EBF1: variants seen among roughly 807,000 people sequenced by gnomAD.
The protein encoded by EBF1 is EBF transcription factor 1, also known as transcription factor COE1.
Under a neutral mutation model 68.4 loss-of-function variants are expected in EBF1, and 10 were observed. The ratio of observed to expected loss-of-function variants is 0.15; its 90% CI spans 0.09 to 0.25. EBF1 has a LOEUF of 0.25. Ranked by LOEUF, EBF1 falls within the 10% of genes least tolerant of loss-of-function variation. EBF1 has a pLI of 1.00. For missense variants in EBF1, 509 were observed against 794.4 expected (o/e 0.64, Z 4.32); for synonymous variants, 298 against 299.8 (o/e 0.99, Z 0.06).
intron 6 of EBF1, among the ~76,000 whole-genome samples, chr5:159,064,384 G>A (rs1223814428): frequency 2.0e-5 from 3 of 152,144 alleles, no homozygotes; most frequent in Non-Finnish European, 4.4e-5. Context: ...AATCAGTCTG[G>A]GAGATAGGAG....
intron 6 of EBF1, among the ~76,000 whole-genome samples, chr5:158,859,488 A>G (rs935009565): frequency 6.6e-6 from 1 of 152,192 alleles, no homozygotes; most frequent in Admixed American, 6.5e-5. Flanking sequence ...CACTTTGGGT[A>G]TCTGTGCATG....
intron 11 of EBF1, among the ~76,000 whole-genome samples, chr5:158,728,883 T>G (rs561367609): frequency 3.5e-4 from 53 of 152,220 alleles, no homozygotes; most frequent in Non-Finnish European, 6.3e-4. Context: ...AAGTGGCAAC[T>G]ATGGGCCAGA....
At chr5:158,887,249 A>T (rs1332705062) in intron 6 of EBF1, among the ~76,000 whole-genome samples, 7 of 152,198 alleles carry the variant, frequency 4.6e-5, no homozygotes, top group African/African-American at 7.2e-5. Flanking sequence ...GGCCAATAAA[A>T]CCTAACAGGT....
intron 6 of EBF1, among the ~76,000 whole-genome samples, chr5:158,918,437 G>T (rs890077186): frequency 2.6e-5 from 4 of 152,182 alleles, no homozygotes; most frequent in Non-Finnish European, 4.4e-5. Flanking sequence ...TAGTTTCTTA[G>T]GTGATTTCTC....
intron 6 of EBF1, among the ~76,000 whole-genome samples, chr5:159,013,717 C>G (rs1644444906): frequency 6.6e-6 from 1 of 152,156 alleles, no homozygotes; most frequent in Non-Finnish European, 1.5e-5. Flanking sequence ...GCTTAACACC[C>G]CCACCCATCC....
chr5:158,822,698 G>T (rs1785125119), intron 8 of EBF1, among the ~76,000 whole-genome samples: 1 of 152,170 alleles, frequency 6.6e-6, no homozygotes. Context: ...TCCAAATGAA[G>T]TTCAACAGGT....
At chr5:158,743,872 T>C (rs955975595) in intron 10 of EBF1, among the ~76,000 whole-genome samples, 1 of 152,038 alleles carries the variant, frequency 6.6e-6, no homozygotes, top group Non-Finnish European at 1.5e-5. Context: ...CAGTCGAGAA[T>C]AAAGAACAGA....
intron 5 of EBF1, among the ~76,000 whole-genome samples, chr5:159,083,578 G>T (rs1780101230): frequency 6.6e-6 from 1 of 152,204 alleles, no homozygotes; most frequent in South Asian, 2.1e-4. Context: ...CATACAAGAA[G>T]TTGGTATTTG....
chr5:158,870,103 AT>A (rs1450423037), intron 6 of EBF1, among the ~76,000 whole-genome samples: 1 of 152,146 alleles, frequency 6.6e-6, no homozygotes, highest in African/African-American at 2.4e-5. Flanking sequence ...CAAGGACTAG[AT>A]TTAGAGAGCC....
chr5:158,735,000 G>C (rs1399557833), intron 10 of EBF1, among the ~76,000 whole-genome samples: 4 of 152,102 alleles, frequency 2.6e-5, no homozygotes, highest in Non-Finnish European at 5.9e-5. Context: ...TGGGGCCAAT[G>C]TATGCATTTT....
At chr5:159,050,200 C>T (rs1323771178) in intron 6 of EBF1, among the ~76,000 whole-genome samples, 24 of 149,670 alleles carry the variant, frequency 1.6e-4, no homozygotes, top group African/African-American at 3.7e-4. Flanking sequence ...TTCTCTCTCT[C>T]TCCTCTCCTC....
intron 10 of EBF1, among the ~76,000 whole-genome samples, chr5:158,733,310 G>A (rs1356126755): frequency 2.0e-5 from 3 of 151,946 alleles, no homozygotes; most frequent in Non-Finnish European, 4.4e-5. Flanking sequence ...TCTAATTCTT[G>A]GTTTTACTTT....
Position 158,864,114 on chromosome 5 carries a change from C to A in EBF1, c.555-24004G>T, listed in dbSNP as rs184313590. Among the ~76,000 whole-genome samples, 3 of 150,322 alleles carry A rather than the reference C, an allele frequency of 2.0e-5. No individual in the cohort carries two copies. The East Asian group carries it at 5.9e-4, about 30-fold the overall frequency. On this transcript the variant is annotated intron_variant, in intron 6 of 15. Coordinates refer to ENST00000313708, the MANE Select transcript of EBF1 (RefSeq NM_024007.5). ...TGGTTGTGGTGGTACACACCAGCTA[C>A]TAGGGAGGCTGAAGCAGGAGAATCA...
intron 15 of EBF1, among the ~76,000 whole-genome samples, chr5:158,701,007 G>A (rs974982724): frequency 6.6e-6 from 1 of 152,124 alleles, no homozygotes; most frequent in Non-Finnish European, 1.5e-5. Flanking sequence ...TGGAGAATTC[G>A]AGATGCTATC....
At chr5:158,729,906 G>A (rs920915769) in intron 11 of EBF1, among the ~76,000 whole-genome samples, 13 of 152,224 alleles carry the variant, frequency 8.5e-5, no homozygotes, top group Non-Finnish European at 1.5e-4. Context: ...GTAGTGGCCT[G>A]AGGGGTGGAT....
At chr5:158,702,952 T>C (rs1198699215) in intron 15 of EBF1, among the ~76,000 whole-genome samples, 1 of 152,124 alleles carries the variant, frequency 6.6e-6, no homozygotes, top group African/African-American at 2.4e-5. Context: ...AACATCAGTA[T>C]ATGGATACTA....
rs6887403 is a variant in EBF1, at chr5:158,844,286, T to C, written c.555-4176A>G. On this transcript the variant is annotated intron_variant, in intron 6 of 15. Transcript: ENST00000313708. ...TACAAATAATATCATCTTGTGTTCA[T>C]GTAATGCGTTAATTATTCAGAGCAC... is the stretch of plus-strand genomic sequence containing the variant. Among the ~76,000 whole-genome samples the C allele has an allele frequency of 5.8e-3, 880 of 152,018 alleles. 13 individuals are homozygous for C. Among genetic ancestry groups the C allele is most frequent in the African/African-American group, 0.02 (844 of 41,444 alleles).
intron 6 of EBF1, among the ~76,000 whole-genome samples, chr5:158,911,454 AGAG>A (rs1357772861): frequency 6.6e-6 from 1 of 151,766 alleles, no homozygotes; most frequent in African/African-American, 2.4e-5. Flanking sequence ...TCATGAGGAT[AGAG>A]GGGTTTTTTT....
chr5:158,988,199 T>C (rs1297071420), intron 6 of EBF1, among the ~76,000 whole-genome samples: 1 of 152,216 alleles, frequency 6.6e-6, no homozygotes, highest in African/African-American at 2.4e-5. Context: ...TGGCCCATTC[T>C]GGTGGAAGTC....
Sources: allele counts gnomAD v4.1 joint callset (sites outside exome capture counted in the v4.1 genomes callset), GRCh38; gene constraint gnomAD v4.1.1; transcripts MANE v1.5; gene names NCBI Gene and HGNC (gene_info 2026-07-23, HGNC 2026-07-21).